Variants in TMEM178B observed in about 807,000 individuals in gnomAD.
TMEM178B encodes the protein transmembrane protein 178B.
In TMEM178B, 5 loss-of-function variants were observed where a neutral mutation model predicts 31.0. That is an observed-to-expected ratio of 0.16 (90% CI 0.08 to 0.34). TMEM178B has a LOEUF of 0.34. Among genes scored for constraint, TMEM178B ranks in the 10% least tolerant of loss-of-function variants. TMEM178B has a pLI of 1.00. For synonymous variants in TMEM178B, 164 were observed against 164.0 expected (o/e 1.00, Z 0.00); for missense variants, 275 against 400.3 (o/e 0.69, Z 2.67).
intron 1 of TMEM178B, among the ~76,000 whole-genome samples, chr7:141,158,636 G>A (rs1447404537): frequency 1.3e-5 from 2 of 152,320 alleles, no homozygotes; most frequent in South Asian, 2.1e-4. Context: ...AGAAGAGGCC[G>A]AACCTGTGGA....
intron 1 of TMEM178B, among the ~76,000 whole-genome samples, chr7:141,182,617 T>C (rs1204668744): frequency 6.6e-6 from 1 of 152,150 alleles, no homozygotes; most frequent in Non-Finnish European, 1.5e-5. Context: ...ACATTGGGTT[T>C]TGATATGGCT....
At chr7:141,138,157 G>T (rs935465981) in intron 1 of TMEM178B, among the ~76,000 whole-genome samples, 2 of 151,852 alleles carry the variant, frequency 1.3e-5, no homozygotes, top group South Asian at 4.2e-4. Context: ...CACCTCCAGG[G>T]TTCACGCCAT....
chr7:141,371,954 C>G (rs949309593), intron 2 of TMEM178B, among the ~76,000 whole-genome samples: 3 of 152,162 alleles, frequency 2.0e-5, no homozygotes, highest in Non-Finnish European at 4.4e-5. Flanking sequence ...CAGAAGTGTA[C>G]AATTATCTGT....
chr7:141,401,490 A>G (rs1800767366), intron 2 of TMEM178B, among the ~76,000 whole-genome samples: 1 of 152,174 alleles, frequency 6.6e-6, no homozygotes, highest in African/African-American at 2.4e-5. Context: ...ATCATAGCTC[A>G]CTGCAGCCTC....
chr7:141,405,047 G>A (rs1586938893), intron 2 of TMEM178B, among the ~76,000 whole-genome samples: 2 of 152,204 alleles, frequency 1.3e-5, no homozygotes, highest in South Asian at 4.1e-4. Context: ...ATCAGCACAG[G>A]CTTTTCCATG....
intron 1 of TMEM178B, among the ~76,000 whole-genome samples, chr7:141,172,809 G>A (rs191971736): frequency 5.8e-4 from 88 of 152,286 alleles, no homozygotes; most frequent in African/African-American, 1.9e-3. Flanking sequence ...AGCAAAAATC[G>A]TCATTCTCCA....
At chr7:141,133,811 C>G (rs138609693) in intron 1 of TMEM178B, among the ~76,000 whole-genome samples, 143 of 152,210 alleles carry the variant, frequency 9.4e-4, no homozygotes, top group African/African-American at 3.3e-3. Context: ...AAGTCAAAGA[C>G]AAAGAATTCT....
intron 1 of TMEM178B, among the ~76,000 whole-genome samples, chr7:141,092,843 T>C (rs999667381): frequency 1.3e-5 from 2 of 152,002 alleles, no homozygotes; most frequent in African/African-American, 2.4e-5. Flanking sequence ...AAGCTGACAT[T>C]TGAGTCAAGG....
At chr7:141,496,669 C>CAAAAAAAAAAAA in the TMEM178B span, among the ~76,000 whole-genome samples, 46 of 33,248 alleles carry the variant, frequency 1.4e-3, no homozygotes, top group African/African-American at 5.0e-3. Flanking sequence ...GACTCCGTCT[C>CAAAAAAAAAAAA]AAAAAAAAAA....
chr7:141,507,680 A>G, the TMEM178B span, among the ~76,000 whole-genome samples: 8 of 152,206 alleles, frequency 5.3e-5, no homozygotes, highest in East Asian at 1.9e-4. Context: ...CCAAATCTCA[A>G]TTATTGACTT....
chr7:141,385,108 T>C (rs1425993336), intron 2 of TMEM178B, among the ~76,000 whole-genome samples: 1 of 152,240 alleles, frequency 6.6e-6, no homozygotes, highest in African/African-American at 2.4e-5. Context: ...AACTTAAATG[T>C]ATGTGGCTTT....
At chr7:141,459,695 G>A (rs545586135) in intron 3 of TMEM178B, among the ~76,000 whole-genome samples, 1 of 152,322 alleles carries the variant, frequency 6.6e-6, no homozygotes, top group East Asian at 1.9e-4. Flanking sequence ...TAGGAGACAG[G>A]ACAATGGCAC....
intron 1 of TMEM178B, among the ~76,000 whole-genome samples, chr7:141,106,327 A>G (rs1795145899): frequency 6.6e-6 from 1 of 152,214 alleles, no homozygotes; most frequent in Non-Finnish European, 1.5e-5. Context: ...ATTATTTAGG[A>G]AATCAATTAA....
intron 1 of TMEM178B, among the ~76,000 whole-genome samples, chr7:141,100,381 A>G (rs1563087600): frequency 6.6e-6 from 1 of 152,122 alleles, no homozygotes; most frequent in East Asian, 1.9e-4. Context: ...TCTCTGTATA[A>G]GTGTAAACAC....
At position 141,437,615 on chromosome 7, in the gene TMEM178B, C is replaced by G; in HGVS notation, c.504C>G (p.Arg168=). 3 of 1,536,140 alleles carry G rather than the reference C, an allele frequency of 2.0e-6. No homozygotes were observed. The highest frequency in any genetic ancestry group is 2.6e-6 in the Non-Finnish European group (3 of 1,146,908). ...RQDEWHALHL[R]RMTAGFMGMA... is the part of the protein sequence containing the mutation. ...TCGCCTGCTTCCCCACAGACCTGCG[C>G]AGAATGACGGCTGGCTTCATGGGCA... The change falls in exon 3 of 4, where the codon CGC becomes CGG. Residue 168 remains arginine, a synonymous_variant. Coordinates refer to ENST00000565468, the MANE Select transcript of TMEM178B (RefSeq NM_001195278.2).
intron 3 of TMEM178B, among the ~76,000 whole-genome samples, chr7:141,444,275 G>A (rs1220311006): frequency 6.6e-6 from 1 of 152,114 alleles, no homozygotes; most frequent in Non-Finnish European, 1.5e-5. Context: ...CTTTCATGAA[G>A]GGATACCTTC....
At chr7:141,438,705 A>ATC (rs2116683806) in intron 3 of TMEM178B, among the ~76,000 whole-genome samples, 1 of 131,200 alleles carries the variant, frequency 7.6e-6, no homozygotes, top group African/African-American at 3.0e-5. Flanking sequence ...CTAAAAAAAA[A>ATC]AAAAAAAAAA....
chr7:141,492,931 T>C, the TMEM178B span, among the ~76,000 whole-genome samples: 6 of 152,328 alleles, frequency 3.9e-5, no homozygotes, highest in African/African-American at 1.2e-4. Flanking sequence ...ACAAAGAGTC[T>C]GGTGATCTTA....
intron 2 of TMEM178B, among the ~76,000 whole-genome samples, chr7:141,389,338 G>A (rs1800492441): frequency 6.6e-6 from 1 of 152,180 alleles, no homozygotes; most frequent in African/African-American, 2.4e-5. Context: ...AGTCACATGT[G>A]CTCTCCTGAC....
Sources: gnomAD v4.1 joint callset for allele counts (sites outside exome capture counted in the v4.1 genomes callset) on GRCh38, gnomAD v4.1.1 for gene constraint, MANE v1.5 for transcripts, NCBI Gene and HGNC (gene_info 2026-07-23, HGNC 2026-07-21) for gene names.